The following DEFB110 variants were observed in gnomAD, a reference collection of about 807,000 sequenced individuals.
DEFB110 encodes the protein beta-defensin 110.
DEFB110 carries 4 observed loss-of-function variants against 2.5 expected under a neutral mutation model. The ratio of observed to expected loss-of-function variants is 1.60; its 90% confidence interval spans 0.79 to 3.66. The LOEUF (loss-of-function observed/expected upper bound fraction) is 3.66, where lower values mean the gene tolerates loss of function less well. Among genes scored for constraint, DEFB110 ranks in the 30% most tolerant of loss-of-function variants. The pLI, the probability that DEFB110 is intolerant of heterozygous loss-of-function variation, is 0.01. For synonymous variants in DEFB110, 29 were observed against 21.8 expected (o/e 1.33, Z -0.92); for missense variants, 94 against 75.4 (o/e 1.25, Z -0.91).
chr6:50,018,746 C>T, downstream of DEFB110: 19 of 1,129,872 alleles, frequency 1.7e-5, no homozygotes, highest in Non-Finnish European at 2.1e-5. Flanking sequence ...ACTTGAGGAA[C>T]TTGCATAAAA....
At chr6:50,012,371 T>C (rs1160105252) in intron 1 of DEFB110, among the ~76,000 whole-genome samples, 3 of 151,814 alleles carry the variant, frequency 2.0e-5, no homozygotes, top group Non-Finnish European at 2.9e-5. Flanking sequence ...ATAAATAAGA[T>C]AAATAACTGA....
chr6:50,018,776 T>C, downstream of DEFB110: 1 of 1,251,508 alleles, frequency 8.0e-7, no homozygotes, highest in Admixed American at 4.1e-5. Context: ...CTACTTCTGG[T>C]ACCAACAAAT....
At chr6:50,009,540 G>A (rs1323719264) in intron 1 of DEFB110, among the ~76,000 whole-genome samples, 3 of 152,104 alleles carry the variant, frequency 2.0e-5, no homozygotes, top group Non-Finnish European at 4.4e-5. Flanking sequence ...CAGTAACAAC[G>A]AGAAAGTGAC....
downstream of DEFB110, chr6:50,018,734 A>G: frequency 9.5e-7 from 1 of 1,049,796 alleles, no homozygotes; most frequent in Non-Finnish European, 1.2e-6. Context: ...GAAGCACTGA[A>G]AACTTGAGGA....
downstream of DEFB110, among the ~76,000 whole-genome samples, chr6:50,015,575 A>T (rs1774302372): frequency 6.6e-6 from 1 of 151,790 alleles, no homozygotes; most frequent in Non-Finnish European, 1.5e-5. Flanking sequence ...CATGTTTAAA[A>T]TTACTATAGC....
chr6:50,018,890 A>T lies in DEFB110; in HGVS notation c.*87T>A. On this transcript the variant is annotated 3_prime_UTR_variant, in exon 2 of 2. Transcript: ENST00000371148. Reference sequence around the variant, plus strand: ...TATTTAGTTCTTGTGTATTATAGAGACACACACGCCTTGAAGGATGTGCTG... The same window carrying T: ...TATTTAGTTCTTGTGTATTATAGAGTCACACACGCCTTGAAGGATGTGCTG... 2.7e-6 allele frequency: 4 copies of T among 1,491,124 alleles called. No individual in the cohort carries two copies. The highest frequency in any genetic ancestry group is 1.8e-4 in the Middle Eastern group (1 of 5,458). 92.4% of individuals were successfully genotyped at this position (1,491,124 alleles called of 1,614,324 possible). A position where few individuals can be genotyped will look rare whatever the true frequency, so the allele number is the denominator to read the frequency against.
downstream of DEFB110, among the ~76,000 whole-genome samples, chr6:50,017,695 T>C (rs1485050871): frequency 6.6e-6 from 1 of 151,950 alleles, no homozygotes; most frequent in African/African-American, 2.4e-5. Flanking sequence ...ATGTAAATTT[T>C]ATCTGAGTGG....
At chr6:50,017,008 T>C (rs536463356), downstream of DEFB110, among the ~76,000 whole-genome samples, 3 of 151,844 alleles carry the variant, frequency 2.0e-5, no homozygotes, top group Non-Finnish European at 3.0e-5. Context: ...CAAACTCAAC[T>C]CTTATTTTCC....
chr6:50,018,703 G>C (rs781418195), downstream of DEFB110: 308 of 704,204 alleles, frequency 4.4e-4, 1 homozygote, highest in Non-Finnish European at 5.5e-4. Context: ...GCACATAAAA[G>C]TTGTGGAACT....
At chr6:50,009,625 T>A (rs752159610) in intron 1 of DEFB110, among the ~76,000 whole-genome samples, 1 of 152,156 alleles carries the variant, frequency 6.6e-6, no homozygotes, top group Non-Finnish European at 1.5e-5. Context: ...AGCCAAAATA[T>A]CAGCCCTTCT....
chr6:50,021,739 T>C, intron 1 of DEFB110, 142 bp downstream of exon 1: 1 of 787,274 alleles, frequency 1.3e-6, no homozygotes, highest in Non-Finnish European at 1.9e-6. Context: ...TTATCTGTTC[T>C]GGAGTCCAAT....
chr6:50,009,870 T>C (rs567875689), intron 1 of DEFB110, among the ~76,000 whole-genome samples: 11 of 152,242 alleles, frequency 7.2e-5, no homozygotes, highest in African/African-American at 2.6e-4. Flanking sequence ...TATTCTATTA[T>C]AGTTTCTTGT....
chr6:50,015,532 T>G (rs1774301757), downstream of DEFB110, among the ~76,000 whole-genome samples: 1 of 151,794 alleles, frequency 6.6e-6, no homozygotes, highest in Non-Finnish European at 1.5e-5. Flanking sequence ...TGAACACTTT[T>G]TTCAGCCTTT....
chr6:50,014,516 AC>A (rs908300386), downstream of DEFB110, among the ~76,000 whole-genome samples: 12 of 151,870 alleles, frequency 7.9e-5, no homozygotes, highest in African/African-American at 2.2e-4. Flanking sequence ...ATTTTGACTT[AC>A]AAAATGGCAA....
At chr6:50,011,303 A>C (rs1430643073) in intron 1 of DEFB110, among the ~76,000 whole-genome samples, 1 of 152,036 alleles carries the variant, frequency 6.6e-6, no homozygotes, top group Non-Finnish European at 1.5e-5. Flanking sequence ...ATACCACATA[A>C]AAACAAATTG....
downstream of DEFB110, among the ~76,000 whole-genome samples, chr6:50,016,091 T>G (rs531118974): frequency 2.6e-5 from 4 of 151,960 alleles, no homozygotes; most frequent in Non-Finnish European, 5.9e-5. Context: ...ATAAGTACAT[T>G]GCTAATTGGA....
chr6:50,009,289 A>T, intron 1 of DEFB110: 1 of 1,583,844 alleles, frequency 6.3e-7, no homozygotes, highest in Non-Finnish European at 8.5e-7. Flanking sequence ...CAAGAAAAAT[A>T]TCTAAAGTTA....
At chr6:50,021,857 T>A in intron 1 of DEFB110, 24 bp downstream of exon 1, 1 of 1,551,958 alleles carries the variant, frequency 6.4e-7, no homozygotes, top group Non-Finnish European at 8.6e-7. Flanking sequence ...TTAGTATAAA[T>A]CCCCACAAAT....
downstream of DEFB110, among the ~76,000 whole-genome samples, chr6:50,016,134 G>T (rs1484091311): frequency 6.6e-6 from 1 of 151,812 alleles, no homozygotes; most frequent in Admixed American, 6.6e-5. Context: ...GGATATTGAG[G>T]TAAAATAAAT....
Sources: gnomAD v4.1 joint callset for allele counts (sites outside exome capture counted in the v4.1 genomes callset) on GRCh38, gnomAD v4.1.1 for gene constraint, MANE v1.5 for transcripts, NCBI Gene and HGNC (gene_info 2026-07-23, HGNC 2026-07-21) for gene names.